Variants in MROH1 observed in about 807,000 individuals in gnomAD.
The protein encoded by MROH1 is maestro heat-like repeat-containing protein family member 1.
Under a neutral mutation model 116.5 loss-of-function variants are expected in MROH1, and 117 were observed. The observed-to-expected ratio is 1.00, with a 90% CI of 0.86 to 1.17. The LOEUF (loss-of-function observed/expected upper bound fraction) is 1.17. Ranked by LOEUF, MROH1 falls within the 50% of genes most tolerant of loss-of-function variation. MROH1 has a pLI of 0.00. For missense variants in MROH1, 1,873 were observed against 1,338.5 expected (o/e 1.40, Z -6.23); for synonymous variants, 921 against 583.9 (o/e 1.58, Z -8.32).
At chr8:144,161,421 T>G (rs1819496117) in intron 2 of MROH1, among the ~76,000 whole-genome samples, 1 of 152,158 alleles carries the variant, frequency 6.6e-6, no homozygotes, top group Non-Finnish European at 1.5e-5. Flanking sequence ...TTCTCTGGTA[T>G]GAGAGACTGC....
intron 3 of MROH1, among the ~76,000 whole-genome samples, chr8:144,166,966 T>C (rs1339926498): frequency 6.6e-6 from 1 of 152,158 alleles, no homozygotes; most frequent in Non-Finnish European, 1.5e-5. Context: ...ACTACTGGAC[T>C]TTGGAAATGG....
At chr8:144,219,016 T>TTTG (rs1554817553) in intron 12 of MROH1, among the ~76,000 whole-genome samples, 2 of 144,260 alleles carry the variant, frequency 1.4e-5, no homozygotes, top group East Asian at 2.1e-4. Flanking sequence ...TGTGTTTTTT[T>TTTG]TTGTTGTTGT....
chr8:144,247,414 G>A lies in MROH1; in HGVS notation c.2985G>A (p.Leu995=), dbSNP rs1842088643. The change falls in exon 30 of 44, where the codon CTG becomes CTA. Residue 995 remains leucine, a synonymous_variant. Transcript: ENST00000326134. ...CCGTGGACTGTGTCTACTCCCTGCT[G>A]TACCTCCAGCTCGGCTATGAGGGTG... The part of the protein sequence containing the change: ...QEAVDCVYSL[L]YLQLGYEGFS... 1.3e-6 allele frequency: 1 copy of A among 771,452 alleles called. No individual in the cohort carries two copies. Among genetic ancestry groups the A allele is most frequent in the Non-Finnish European group, 2.4e-6 (1 of 413,782 alleles). The allele number at this position is 771,452 out of a possible 1,614,324, so 47.8% of individuals were successfully genotyped here.
intron 4 of MROH1, 68 bp from the exon 5 acceptor site, chr8:144,179,387 T>C: frequency 6.3e-7 from 1 of 1,589,600 alleles, no homozygotes; most frequent in Non-Finnish European, 8.6e-7. Flanking sequence ...GTAGAGACAG[T>C]GACAGGCACT....
At chr8:144,243,779 C>A in intron 25 of MROH1, 84 bp from the exon 26 acceptor site, 1 of 743,278 alleles carries the variant, frequency 1.3e-6, no homozygotes, top group South Asian at 1.4e-5. Flanking sequence ...CCCCGCCTGT[C>A]ACTTAGGCTG....
chr8:144,199,069 A>C, intron 10 of MROH1, 53 bp from the exon 11 acceptor site: 136 of 1,516,248 alleles, frequency 9.0e-5, no homozygotes, highest in Non-Finnish European at 1.1e-4. Context: ...GAGGGCGGGA[A>C]TCCTTCCTTC....
intron 36 of MROH1, 92 bp downstream of exon 36, chr8:144,259,006 G>T: frequency 1.5e-6 from 1 of 646,228 alleles, no homozygotes; most frequent in Non-Finnish European, 2.8e-6. Flanking sequence ...GGGGGCCCAT[G>T]CGTGTCAGGC....
intron 12 of MROH1, among the ~76,000 whole-genome samples, chr8:144,208,856 T>G (rs892187261): frequency 1.3e-5 from 2 of 152,118 alleles, no homozygotes; most frequent in African/African-American, 4.8e-5. Flanking sequence ...CCTGAGTAGC[T>G]GGGATTACAG....
chr8:144,233,421 C>T (rs1554823495), intron 14 of MROH1, among the ~76,000 whole-genome samples: 8 of 151,790 alleles, frequency 5.3e-5, no homozygotes, highest in South Asian at 2.1e-4. Context: ...CTCCTGCACC[C>T]ACCATCCACC....
At chr8:144,239,497 G>C in intron 17 of MROH1, 117 bp from the exon 18 acceptor site, 1 of 763,062 alleles carries the variant, frequency 1.3e-6, no homozygotes, top group Non-Finnish European at 2.4e-6. Flanking sequence ...CTACGTGGGC[G>C]GCCCAGCTTT....
chr8:144,251,257 CACTTGTCTGGTGG>C (rs1842805020), intron 33 of MROH1: 1 of 153,278 alleles, frequency 6.5e-6, no homozygotes, highest in Non-Finnish European at 1.5e-5. Flanking sequence ...CTCAGAGGTG[CACTTGTCTGGTGG>C]CCCTGCTCCT....
chr8:144,231,136 GATC>G (rs781987079), intron 14 of MROH1, among the ~76,000 whole-genome samples: 43 of 148,560 alleles, frequency 2.9e-4, no homozygotes, highest in Non-Finnish European at 4.9e-4. Flanking sequence ...TAAGGTCACA[GATC>G]AACAGGATCC....
chr8:144,191,984 CAGT>C, intron 9 of MROH1, 129 bp downstream of exon 9: 1 of 1,094,442 alleles, frequency 9.1e-7, no homozygotes, highest in South Asian at 1.5e-5. Flanking sequence ...TGCTAAGGCT[CAGT>C]GGTGGGCTGT....
chr8:144,173,743 C>T (rs943408745), intron 4 of MROH1, among the ~76,000 whole-genome samples: 1 of 152,186 alleles, frequency 6.6e-6, no homozygotes, highest in Admixed American at 6.5e-5. Flanking sequence ...TCTTCTTGGT[C>T]CCTTTGCAAG....
At chr8:144,173,199 G>T (rs1281807806) in intron 4 of MROH1, among the ~76,000 whole-genome samples, 2 of 150,488 alleles carry the variant, frequency 1.3e-5, no homozygotes, top group Non-Finnish European at 3.0e-5. Context: ...TACCTCCTGG[G>T]TCAAGCAATT....
At position 144,261,303 on chromosome 8, in the gene MROH1, G is replaced by C. The variant is rs1288976557; in HGVS notation, c.4794G>C (p.Ser1598=). 1 of 730,622 alleles carries C rather than the reference G, an allele frequency of 1.4e-6. No individual in the cohort carries two copies. Among genetic ancestry groups the C allele is most frequent in the Admixed American group, 1.8e-5 (1 of 54,546 alleles). The allele number at this position is 730,622 out of a possible 1,614,324, so 45.3% of individuals were successfully genotyped here. The change falls in exon 43 of 44, where the codon TCG becomes TCC. Residue 1598 remains serine (S), a synonymous_variant. Coordinates refer to ENST00000326134, the MANE Select transcript of MROH1 (RefSeq NM_032450.3). ...PLFTGFLVLH[S]EPRQQPQVDL... ...TCACAGGGTTCCTGGTGCTGCACTC[G>C]GAGCCCAGGCAGCAGCCGCAGGTGG... is the stretch of plus-strand genomic sequence containing the variant.
chr8:144,163,012 G>A lies in MROH1; in HGVS notation c.-56-759G>A, dbSNP rs1478938277. On this transcript the variant is annotated intron_variant, in intron 2 of 43. Coordinates refer to ENST00000326134, the MANE Select transcript of MROH1 (RefSeq NM_032450.3). This position sits in a 1 kb window ranked among gnomAD's most constrained non-coding sequence, Gnocchi z 4.4. ...TGCTGGATTACAGGCATGAGCCATC[G>A]CTCTTGGCCAAGATTTCTATGATTT... Among the ~76,000 whole-genome samples, 2 of 152,180 alleles carry A rather than the reference G, an allele frequency of 1.3e-5. No homozygotes were observed. The highest frequency in any genetic ancestry group is 6.6e-5 in the Admixed American group (1 of 15,266).
At position 144,180,582 on chromosome 8, in the gene MROH1, G is replaced by C. The variant is rs925287195; in HGVS notation, c.562+59G>C. Reference sequence around the variant, plus strand: ...TGCCCCTTTGTGGGGGGCTGTTCCCGGGCATGCCTGTTTTAGGGGGGACAG... The same window carrying C: ...TGCCCCTTTGTGGGGGGCTGTTCCCCGGCATGCCTGTTTTAGGGGGGACAG... On this transcript the variant is annotated intron_variant, in intron 7 of 43. Transcript: ENST00000326134. The surrounding 1 kb of genome is among the most constrained non-coding windows in gnomAD (Gnocchi z 7.4). The C allele has an allele frequency of 2.0e-6, 3 of 1,531,890 alleles. No homozygotes were observed. Among genetic ancestry groups the C allele is most frequent in the African/African-American group, 2.7e-5 (2 of 73,490 alleles). The allele number at this position is 1,531,890 out of a possible 1,614,324, so 94.9% of individuals were successfully genotyped here.
rs536054451 is a variant in MROH1 at position 144,202,376 on chromosome 8, C to T, written c.1141+1835C>T. 4.2e-5 allele frequency among the ~76,000 whole-genome samples: 6 copies of T among 141,638 alleles called. No homozygotes were observed. The East Asian group carries it at 1.1e-3, about 25-fold the overall frequency. The allele number at this position is 141,638 out of a possible 152,430, so 92.9% of individuals were successfully genotyped here. A position where few individuals can be genotyped will look rare whatever the true frequency, so the allele number is the denominator to read the frequency against. ...CTCTGTGGAGGGGAAAGGAGGGAAG[C>T]GCAGGCTCTCTGTGGAGGGGAAAGG... On this transcript the variant is annotated intron_variant, in intron 12 of 43. Transcript: ENST00000326134.
Sources: gnomAD v4.1 joint callset for allele counts (sites outside exome capture counted in the v4.1 genomes callset) on GRCh38, gnomAD v4.1.1 for gene constraint, Gnocchi (gnomAD v3.1) non-coding constraint, MANE v1.5 for transcripts, NCBI Gene and HGNC (gene_info 2026-07-23, HGNC 2026-07-21) for gene names.